The following UBE2D2 variants were observed in gnomAD, a reference collection of about 807,000 sequenced individuals.
The protein encoded by UBE2D2 is ubiquitin-conjugating enzyme E2 D2.
Under a neutral mutation model 24.2 loss-of-function variants are expected in UBE2D2, and 2 were observed. The ratio of observed to expected loss-of-function variants is 0.08; its 90% CI spans 0.03 to 0.26. The LOEUF (loss-of-function observed/expected upper bound fraction) is 0.26, where lower values mean the gene tolerates loss of function less well. UBE2D2 is among the 10% of genes least tolerant of loss of function. The probability of loss-of-function intolerance (pLI) is 1.00; values close to 1 mark genes in which losing one functional copy is unlikely to be tolerated. For synonymous variants in UBE2D2, 58 were observed against 56.5 expected (o/e 1.03, Z -0.12); for missense variants, 44 against 177.6 (o/e 0.25, Z 4.28).
At chr5:139,624,271 T>C (rs768513359) in intron 6 of UBE2D2, among the ~76,000 whole-genome samples, 52 of 152,224 alleles carry the variant, frequency 3.4e-4, no homozygotes, top group Non-Finnish European at 7.2e-4. Flanking sequence ...GGTCAAGATA[T>C]CAAAAGAGAT....
intron 1 of UBE2D2, among the ~76,000 whole-genome samples, chr5:139,552,472 ATAGC>A (rs1482619048): frequency 6.6e-6 from 1 of 150,628 alleles, no homozygotes; most frequent in African/African-American, 2.4e-5. Flanking sequence ...CCAGCCTCTA[ATAGC>A]TAACTTCTTT....
At chr5:139,594,506 C>T (rs1450416628) in intron 1 of UBE2D2, among the ~76,000 whole-genome samples, 5 of 151,908 alleles carry the variant, frequency 3.3e-5, no homozygotes, top group African/African-American at 4.8e-5. Context: ...CTCTGCCTCA[C>T]GGGTTCTAGC....
rs369245200 is a variant in UBE2D2, at chr5:139,627,842, C to G, written c.*1041C>G. 6.6e-6 allele frequency: 1 copy of G among 152,600 alleles called. No individual in the cohort carries two copies. Among genetic ancestry groups the G allele is most frequent in the South Asian group, 2.1e-4 (1 of 4,836 alleles). 9.5% of individuals were successfully genotyped at this position (152,600 alleles called of 1,614,324 possible). ...GTTACATTGTAAAAAGGATATCTTACGAGTAATTTTATTGAACAAGTTAGA... is the reference window on the plus strand; with the variant it reads ...GTTACATTGTAAAAAGGATATCTTAGGAGTAATTTTATTGAACAAGTTAGA... On this transcript the variant is annotated 3_prime_UTR_variant, in exon 7 of 7. Coordinates refer to ENST00000398733, the MANE Select transcript of UBE2D2 (RefSeq NM_003339.3).
rs191295796 is a variant in UBE2D2, at chr5:139,611,394, G to T, written c.89-3192G>T. ...GTAGAGACGGGGTTTCACTATGTTGGTCAGGCTGATCTCGAACTCCTGACC... is the reference window on the plus strand; with the variant it reads ...GTAGAGACGGGGTTTCACTATGTTGTTCAGGCTGATCTCGAACTCCTGACC... On this transcript the variant is annotated intron_variant, in intron 2 of 6. Coordinates refer to ENST00000398733, the MANE Select transcript of UBE2D2 (RefSeq NM_003339.3). Among the ~76,000 whole-genome samples, 8 of 151,906 alleles carry T rather than the reference G, an allele frequency of 5.3e-5. No homozygotes were observed. The South Asian group carries it at 8.3e-4, about 16-fold the overall frequency.
intron 1 of UBE2D2, among the ~76,000 whole-genome samples, chr5:139,578,594 A>C (rs1214449223): frequency 1.3e-5 from 2 of 152,014 alleles, no homozygotes; most frequent in African/African-American, 2.4e-5. Flanking sequence ...CTGGGACAGC[A>C]GGTGTGTGCT....
At chr5:139,593,611 A>G (rs1041171822) in intron 1 of UBE2D2, among the ~76,000 whole-genome samples, 1 of 152,264 alleles carries the variant, frequency 6.6e-6, no homozygotes, top group Admixed American at 6.5e-5. Flanking sequence ...ATTAAAAGAT[A>G]TATTAAAATA....
chr5:139,569,981 G>C (rs1753316021), intron 1 of UBE2D2, among the ~76,000 whole-genome samples: 1 of 152,160 alleles, frequency 6.6e-6, no homozygotes, highest in Non-Finnish European at 1.5e-5. Flanking sequence ...ATTTAGGCTT[G>C]ACACAGTGGC....
At chr5:139,545,539 C>T (rs1237380955) in intron 1 of UBE2D2, among the ~76,000 whole-genome samples, 1 of 151,744 alleles carries the variant, frequency 6.6e-6, no homozygotes, top group East Asian at 1.9e-4. Context: ...TAGTTCTCTG[C>T]CTCAGCCTCC....
At chr5:139,604,265 C>T (rs904408774) in intron 2 of UBE2D2, among the ~76,000 whole-genome samples, 2 of 151,554 alleles carry the variant, frequency 1.3e-5, no homozygotes, top group Non-Finnish European at 2.9e-5. Flanking sequence ...CTCAGCCTCC[C>T]GAGTAGCTGA....
At chr5:139,566,100 ACT>A (rs1753210343) in intron 1 of UBE2D2, among the ~76,000 whole-genome samples, 1 of 150,510 alleles carries the variant, frequency 6.6e-6, no homozygotes, top group African/African-American at 2.4e-5. Context: ...CTCACTACAA[ACT>A]CTGGCTCCCA....
chr5:139,560,219 A>G (rs1753044636), upstream of UBE2D2, among the ~76,000 whole-genome samples: 1 of 89,100 alleles, frequency 1.1e-5, no homozygotes, highest in East Asian at 3.2e-4. Context: ...TTTTTTTTTG[A>G]GACGCATTCT....
At chr5:139,568,699 G>A (rs933224174) in intron 1 of UBE2D2, among the ~76,000 whole-genome samples, 22 of 152,074 alleles carry the variant, frequency 1.4e-4, no homozygotes, top group African/African-American at 4.6e-4. Flanking sequence ...TAGGCCGGGC[G>A]CGGTGACTCA....
intron 2 of UBE2D2, among the ~76,000 whole-genome samples, chr5:139,610,239 G>C (rs962235940): frequency 3.9e-5 from 6 of 151,902 alleles, no homozygotes; most frequent in African/African-American, 1.5e-4. Context: ...ACACCATTTA[G>C]TTGCCATCAA....
Position 139,624,033 on chromosome 5 carries a change from A to T in UBE2D2, c.398+572A>T, listed in dbSNP as rs188911443. Among the ~76,000 whole-genome samples, 3 of 152,280 alleles carry T rather than the reference A, an allele frequency of 2.0e-5. No individual in the cohort carries two copies. The East Asian group carries it at 5.8e-4, about 29-fold the overall frequency. On this transcript the variant is annotated intron_variant, in intron 6 of 6. Coordinates refer to ENST00000398733, the MANE Select transcript of UBE2D2 (RefSeq NM_003339.3). Reference sequence around the variant, plus strand: ...ATATTTTTCAACAGCTTAATGCCTTATGCTTGGCTTTTGATATATAAAGCA... The same window carrying T: ...ATATTTTTCAACAGCTTAATGCCTTTTGCTTGGCTTTTGATATATAAAGCA...
At chr5:139,604,990 T>C (rs1436235107) in intron 2 of UBE2D2, among the ~76,000 whole-genome samples, 1 of 152,212 alleles carries the variant, frequency 6.6e-6, no homozygotes, top group Non-Finnish European at 1.5e-5. Context: ...TTATTTTTGT[T>C]ATAAGGAGTC....
At chr5:139,526,814 T>C (rs1427756381) in intron 1 of UBE2D2, among the ~76,000 whole-genome samples, 2 of 152,238 alleles carry the variant, frequency 1.3e-5, no homozygotes, top group South Asian at 4.1e-4. Context: ...GCACTTTTGT[T>C]CTGGTTTTGA....
intron 2 of UBE2D2, among the ~76,000 whole-genome samples, chr5:139,606,860 A>G (rs930270021): frequency 2.0e-5 from 3 of 152,146 alleles, no homozygotes; most frequent in Non-Finnish European, 4.4e-5. Flanking sequence ...CCTGGAGTGT[A>G]GTGGCATGAT....
intron 2 of UBE2D2, among the ~76,000 whole-genome samples, chr5:139,611,172 CTTCTTTTTTTTT>C (rs1738844719): frequency 7.5e-6 from 1 of 132,476 alleles, no homozygotes; most frequent in Non-Finnish European, 1.6e-5. Context: ...ACAAGTTTTC[CTTCTTTTTTTTT>C]TTTTTTTTTT....
Position 139,627,472 on chromosome 5 carries a change from A to G in UBE2D2, c.*671A>G, listed in dbSNP as rs1287049706. 6.6e-6 allele frequency: 1 copy of G among 152,516 alleles called. No homozygotes were observed. The highest frequency in any genetic ancestry group is 1.5e-5 in the Non-Finnish European group (1 of 68,046). The allele number at this position is 152,516 out of a possible 1,614,324, so 9.4% of individuals were successfully genotyped here. A position where few individuals can be genotyped will look rare whatever the true frequency, so the allele number is the denominator to read the frequency against. On this transcript the variant is annotated 3_prime_UTR_variant, in exon 7 of 7. Transcript: ENST00000398733. ...CTTTCAGCCCTTCTTTCTCTCTTCC[A>G]TATTCTTTGGTTTGTATGTGGTTTC...
Sources: allele counts gnomAD v4.1 joint callset (sites outside exome capture counted in the v4.1 genomes callset), GRCh38; gene constraint gnomAD v4.1.1; transcripts MANE v1.5; gene names NCBI Gene and HGNC (gene_info 2026-07-23, HGNC 2026-07-21).